The following FDFT1 variants were observed in gnomAD, a reference collection of about 807,000 sequenced individuals.
FDFT1 encodes squalene synthase.
A neutral mutation model predicts 46.8 loss-of-function variants in FDFT1; 68 were observed. The observed-to-expected ratio is 1.45, with a 90% confidence interval of 1.19 to 1.78. FDFT1 has a LOEUF of 1.78. Among genes scored for constraint, FDFT1 ranks in the 40% most tolerant of loss-of-function variants. The pLI is 0.00. For synonymous variants in FDFT1, 351 were observed against 185.1 expected, an observed-to-expected ratio of 1.90 and a Z score of -7.28; for missense variants, 928 against 524.4, an observed-to-expected ratio of 1.77 and a Z score of -7.52.
intron 1 of FDFT1, among the ~76,000 whole-genome samples, chr8:11,796,607 G>C (rs572898868): frequency 4.2e-4 from 64 of 152,358 alleles, no homozygotes; most frequent in Non-Finnish European, 8.7e-4. Context: ...GCAGTGCTCT[G>C]ATTGGAGGCT....
At chr8:11,806,140 C>T (rs945969468) in intron 1 of FDFT1, among the ~76,000 whole-genome samples, 1 of 152,150 alleles carries the variant, frequency 6.6e-6, no homozygotes, top group Non-Finnish European at 1.5e-5. Flanking sequence ...GGAGCCCCTT[C>T]CTGGGAGTCT....
intron 5 of FDFT1, among the ~76,000 whole-genome samples, chr8:11,828,512 C>T (rs964294362): frequency 6.6e-6 from 1 of 152,208 alleles, no homozygotes; most frequent in African/African-American, 2.4e-5. Context: ...CTCCCGGCTC[C>T]TAGGCCAGCC....
chr8:11,802,645 A>G (rs1806268043), upstream of FDFT1: 2 of 599,312 alleles, frequency 3.3e-6, no homozygotes, highest in East Asian at 2.8e-5. Flanking sequence ...ACGAGGCCGC[A>G]GCTAGCCCCG....
intron 7 of FDFT1, among the ~76,000 whole-genome samples, chr8:11,832,629 C>T (rs1586002205): frequency 1.4e-5 from 2 of 145,748 alleles, no homozygotes; most frequent in South Asian, 4.5e-4. Flanking sequence ...GGCCCTAGAG[C>T]AGTGGTTTGT....
chr8:11,835,576 T>G (rs1232634274), intron 7 of FDFT1, among the ~76,000 whole-genome samples: 2 of 152,214 alleles, frequency 1.3e-5, no homozygotes, highest in African/African-American at 2.4e-5. Flanking sequence ...TTTTTGTTGG[T>G]TGTGTATATT....
chr8:11,799,962 A>T (rs10091083), upstream of FDFT1, among the ~76,000 whole-genome samples: 29 of 133,960 alleles, frequency 2.2e-4, no homozygotes, highest in African/African-American at 8.1e-4. Context: ...AAAAAAAATG[A>T]AGAAGAAATA....
rs570379950 is a variant in FDFT1 at position 11,830,151 on chromosome 8, C to G, written c.703-93C>G. 4 of 1,072,568 alleles carry G rather than the reference C, an allele frequency of 3.7e-6. No homozygotes were observed. In the Admixed American group the frequency reaches 5.3e-5, roughly 14 times the overall value. 66.4% of individuals were successfully genotyped at this position (1,072,568 alleles called of 1,614,324 possible). A position where few individuals can be genotyped will look rare whatever the true frequency, so the allele number is the denominator to read the frequency against. The stretch of plus-strand genomic sequence containing the variant: ...GTGAGCCACGGCGCCCAGCCTGTAT[C>G]ATAGTTCTTATGCACAAAGACCCTT... On this transcript the variant is annotated intron_variant, in intron 5 of 7. Coordinates refer to ENST00000220584, the MANE Select transcript of FDFT1 (RefSeq NM_004462.5).
intron 7 of FDFT1, among the ~76,000 whole-genome samples, chr8:11,832,024 T>G (rs773181498): frequency 1.6e-4 from 24 of 152,304 alleles, no homozygotes; most frequent in Non-Finnish European, 3.2e-4. Context: ...ATGCAGTGCG[T>G]GATTGAGTGG....
Position 11,807,185 on chromosome 8 carries a change from A to T in FDFT1, c.100-1609A>T, listed in dbSNP as rs1010843608. Among the ~76,000 whole-genome samples, 3 of 152,010 alleles carry T rather than the reference A, an allele frequency of 2.0e-5. No homozygotes were observed. The South Asian group carries it at 6.2e-4, about 32-fold the overall frequency. On this transcript the variant is annotated intron_variant, in intron 1 of 7. Coordinates refer to ENST00000220584, the MANE Select transcript of FDFT1 (RefSeq NM_004462.5). ...TTTTATTTTTTTGAGATGGGGTCCCACTCTGCAGTGTACAATATCATAGTT... is the reference window on the plus strand; with the variant it reads ...TTTTATTTTTTTGAGATGGGGTCCCTCTCTGCAGTGTACAATATCATAGTT...
intron 3 of FDFT1, among the ~76,000 whole-genome samples, chr8:11,817,640 A>T (rs1033084198): frequency 2.0e-5 from 3 of 152,194 alleles, no homozygotes; most frequent in Non-Finnish European, 4.4e-5. Flanking sequence ...TGGATTTTCT[A>T]GCTTATTTGC....
chr8:11,802,943 C>T lies in FDFT1; in HGVS notation c.99+12C>T. On this transcript the variant is annotated intron_variant, in intron 1 of 7. Transcript: ENST00000220584. ...CCAAGATGGACCAGGTGGGCCGAGC[C>T]TCCCTGCTTGCCCGGGGCGGGGAAG... 2 of 1,592,432 alleles carry T rather than the reference C, an allele frequency of 1.3e-6. No individual in the cohort carries two copies. The highest frequency in any genetic ancestry group is 1.7e-6 in the Non-Finnish European group (2 of 1,168,988).
chr8:11,816,379 A>C (rs1171997439), intron 3 of FDFT1, among the ~76,000 whole-genome samples: 1 of 152,136 alleles, frequency 6.6e-6, no homozygotes, highest in Non-Finnish European at 1.5e-5. Context: ...GTGAAATTTA[A>C]AGTAGTTTTT....
upstream of FDFT1, among the ~76,000 whole-genome samples, chr8:11,800,387 A>G (rs111235618): frequency 0.03 from 4,513 of 151,932 alleles, 228 homozygotes; most frequent in African/African-American, 0.1. Context: ...ATACCAAACA[A>G]AGGAGACAGG....
Position 11,805,142 on chromosome 8 carries a change from C to A in FDFT1, c.99+2211C>A, listed in dbSNP as rs191964181. Among the ~76,000 whole-genome samples the A allele has an allele frequency of 6.3e-4, 95 of 151,660 alleles. No homozygotes were observed. In the South Asian group the frequency reaches 0.013, roughly 21 times the overall value. On this transcript the variant is annotated intron_variant, in intron 1 of 7. Transcript: ENST00000220584. ...GCATTGCCCAGGCTGGTCTTGAACT[C>A]CTGAGCTCAAGCGATTTTCCCACCT... is the stretch of plus-strand genomic sequence containing the variant.
At position 11,830,375 on chromosome 8, in the gene FDFT1, G is replaced by A. The variant is rs150271048; in HGVS notation, c.834G>A (p.Ser278=). The A allele has an allele frequency of 6.8e-5, 109 of 1,613,816 alleles. 1 individual carries two copies. In the African/African-American group the frequency reaches 1.2e-3, roughly 17 times the overall value. Residue 278 remains serine, a synonymous_variant, in exon 6 of 8, where the codon TCG becomes TCA. Transcript: ENST00000220584. ...TCCCAGATGTCATCACCTACCTTTC[G>A]AGACTCAGAAACCAGAGTGTGTTTA... ...HHIPDVITYL[S]RLRNQSVFNF... is the part of the protein sequence containing the mutation.
At chr8:11,816,827 A>G (rs935224497) in intron 3 of FDFT1, among the ~76,000 whole-genome samples, 5 of 152,108 alleles carry the variant, frequency 3.3e-5, no homozygotes, top group Non-Finnish European at 5.9e-5. Context: ...AGGCAATTTT[A>G]CTTCCTCTTT....
intron 7 of FDFT1, among the ~76,000 whole-genome samples, chr8:11,833,236 G>A (rs1312914294): frequency 1.7e-4 from 26 of 152,258 alleles, no homozygotes; most frequent in African/African-American, 6.3e-4. Flanking sequence ...TATGTGCCTG[G>A]GGTAGTGACC....
intron 5 of FDFT1, among the ~76,000 whole-genome samples, chr8:11,826,925 A>G (rs1400622119): frequency 1.3e-5 from 2 of 152,184 alleles, no homozygotes; most frequent in African/African-American, 4.8e-5. Context: ...TACACACAGA[A>G]TGGATTTCCC....
chr8:11,827,798 T>C (rs1274254596), intron 5 of FDFT1, among the ~76,000 whole-genome samples: 2 of 151,450 alleles, frequency 1.3e-5, no homozygotes, highest in Non-Finnish European at 2.9e-5. Context: ...ATCTCAACAC[T>C]GGGAGACCAA....
Sources: allele counts gnomAD v4.1 joint callset (sites outside exome capture counted in the v4.1 genomes callset), GRCh38; gene constraint gnomAD v4.1.1; transcripts MANE v1.5; gene names NCBI Gene and HGNC (gene_info 2026-07-23, HGNC 2026-07-21).